NRXN3: variants seen among roughly 807,000 people sequenced by gnomAD.
The protein encoded by NRXN3 is neurexin 3, also known as neurexin III.
A neutral mutation model predicts 137.6 loss-of-function variants in NRXN3; 32 were observed. That is an observed-to-expected ratio of 0.23 (90% CI 0.18 to 0.31). NRXN3 has a LOEUF of 0.31. NRXN3 is among the 10% of genes least tolerant of loss of function. The probability of loss-of-function intolerance (pLI) is 1.00; values close to 1 mark genes in which losing one functional copy is unlikely to be tolerated. For missense variants in NRXN3, 1,574 were observed against 2,062.5 expected (o/e 0.76, Z 4.59); for synonymous variants, 798 against 784.5 (o/e 1.02, Z -0.29).
chr14:79,034,081 C>T (rs2099612090), intron 15 of NRXN3, among the ~76,000 whole-genome samples: 1 of 151,952 alleles, frequency 6.6e-6, no homozygotes. Context: ...CTTCAAAAAC[C>T]CCAGGGTCAC....
At chr14:79,358,256 A>G (rs1487965848) in intron 15 of NRXN3, among the ~76,000 whole-genome samples, 4 of 152,114 alleles carry the variant, frequency 2.6e-5, no homozygotes, top group Non-Finnish European at 5.9e-5. Context: ...ACACAGAGCC[A>G]AAGACTATCA....
At chr14:78,962,109 A>G (rs61995265) in intron 11 of NRXN3, among the ~76,000 whole-genome samples, 1 of 152,022 alleles carries the variant, frequency 6.6e-6, no homozygotes, top group Non-Finnish European at 1.5e-5. Flanking sequence ...AGGAATAAGT[A>G]AAACCTTTTT....
chr14:78,618,055 T>A (rs1245627911), intron 4 of NRXN3, among the ~76,000 whole-genome samples: 1 of 152,018 alleles, frequency 6.6e-6, no homozygotes, highest in Non-Finnish European at 1.5e-5. Context: ...CATACCCCCA[T>A]CTTCTCTGTC....
At chr14:79,489,223 G>A (rs1710367895) in intron 16 of NRXN3, among the ~76,000 whole-genome samples, 1 of 152,004 alleles carries the variant, frequency 6.6e-6, no homozygotes, top group Admixed American at 6.6e-5. Flanking sequence ...TTCTTTACAG[G>A]TGTCTACACC....
intron 15 of NRXN3, among the ~76,000 whole-genome samples, chr14:79,348,386 T>TTC (rs1384339956): frequency 6.6e-6 from 1 of 151,026 alleles, no homozygotes; most frequent in East Asian, 1.9e-4. Flanking sequence ...CTCTTTTTTT[T>TTC]TTTTTTTGAG....
chr14:78,231,753 G>A (rs1322715327), intron 1 of NRXN3: 3 of 152,338 alleles, frequency 2.0e-5, no homozygotes, highest in African/African-American at 7.2e-5. Flanking sequence ...TAGAGGTTTT[G>A]TAAGGATTAA....
intron 16 of NRXN3, among the ~76,000 whole-genome samples, chr14:79,482,159 T>C (rs918274875): frequency 3.9e-5 from 6 of 152,230 alleles, no homozygotes; most frequent in African/African-American, 1.4e-4. Flanking sequence ...TCATTAGTTT[T>C]ACAAAGCAGT....
intron 10 of NRXN3, among the ~76,000 whole-genome samples, chr14:78,827,271 G>GAAAAAAAAA (rs11462484): frequency 7.0e-6 from 1 of 142,178 alleles, no homozygotes; most frequent in Non-Finnish European, 1.5e-5. Context: ...TGAGAGGACC[G>GAAAAAAAAA]AAAAAAAAAA....
chr14:78,968,071 T>G, intron 13 of NRXN3, 102 bp from the exon 14 acceptor site: 9 of 88,026 alleles, frequency 1.0e-4, no homozygotes, highest in Non-Finnish European at 1.5e-4. Flanking sequence ...CCCCCAGCTA[T>G]CTTATTCCTT....
chr14:79,808,677 G>A (rs1490640196), intron 20 of NRXN3, among the ~76,000 whole-genome samples: 3 of 151,920 alleles, frequency 2.0e-5, no homozygotes, highest in African/African-American at 7.3e-5. Flanking sequence ...AACTTCTACA[G>A]GTTATTTCCT....
rs368957282 is a variant in NRXN3 at position 79,314,762 on chromosome 14, C to T, written c.3263-152459C>T. On this transcript the variant is annotated intron_variant, in intron 15 of 20. Transcript: ENST00000335750. ...CCTCAAGTGGGTCCCTGACCCCTGA[C>T]CCCCAAGCAGCCTAACTGGGAGGCA... 1.0e-4 allele frequency among the ~76,000 whole-genome samples: 15 copies of T among 147,386 alleles called. 1 individual carries two copies. In the South Asian group the frequency reaches 2.7e-3, roughly 27 times the overall value.
In NRXN3 at chr14:78,652,213, C is replaced by T. The variant is rs146751192; in HGVS notation, c.1221+887C>T. On this transcript the variant is annotated intron_variant, in intron 6 of 20. Coordinates refer to ENST00000335750, the MANE Select transcript of NRXN3 (RefSeq NM_001330195.2). ...ACGGAAGAAAATTCTTATAATGTGA[C>T]ATTAAGGCTCAGAAGACTGGTTTTT... Among the ~76,000 whole-genome samples the T allele has an allele frequency of 4.8e-3, 733 of 152,336 alleles. 2 individuals carry two copies. The highest frequency in any genetic ancestry group is 7.2e-3 in the Non-Finnish European group (492 of 68,030).
At chr14:79,842,685 C>G (rs950773100) in intron 20 of NRXN3, among the ~76,000 whole-genome samples, 3 of 152,138 alleles carry the variant, frequency 2.0e-5, no homozygotes, top group African/African-American at 7.2e-5. Flanking sequence ...GTAAAATAGT[C>G]ACCATAGAGA....
intron 17 of NRXN3, among the ~76,000 whole-genome samples, chr14:79,667,437 A>G (rs1314463577): frequency 6.6e-6 from 1 of 152,012 alleles, no homozygotes; most frequent in East Asian, 1.9e-4. Flanking sequence ...GTGCACCGGG[A>G]TGAATGGGTC....
chr14:79,409,490 G>C (rs2095374943), intron 15 of NRXN3, among the ~76,000 whole-genome samples: 1 of 149,638 alleles, frequency 6.7e-6, no homozygotes, highest in African/African-American at 2.5e-5. Flanking sequence ...TATATATGTA[G>C]TCTGCTACAC....
chr14:79,451,602 A>C (rs2096173950), intron 15 of NRXN3, among the ~76,000 whole-genome samples: 1 of 152,168 alleles, frequency 6.6e-6, no homozygotes, highest in South Asian at 2.1e-4. Context: ...CTGTGCCTGT[A>C]AGTTACCAGT....
At chr14:78,285,895 C>G (rs1361757164) in intron 3 of NRXN3, among the ~76,000 whole-genome samples, 3 of 152,116 alleles carry the variant, frequency 2.0e-5, no homozygotes, top group African/African-American at 7.2e-5. Context: ...TAACAGTGCT[C>G]AATTCCCAGC....
At chr14:79,016,193 A>T (rs1447877858) in intron 15 of NRXN3, among the ~76,000 whole-genome samples, 2 of 152,108 alleles carry the variant, frequency 1.3e-5, no homozygotes, top group Admixed American at 1.3e-4. Flanking sequence ...TTATGTTATT[A>T]TACACCTGGG....
chr14:78,457,443 G>T (rs1210825160), intron 4 of NRXN3, among the ~76,000 whole-genome samples: 2 of 152,168 alleles, frequency 1.3e-5, no homozygotes, highest in East Asian at 3.9e-4. Context: ...AGAGGAGAGG[G>T]TGACAGTGAG....
Sources: allele counts gnomAD v4.1 joint callset (sites outside exome capture counted in the v4.1 genomes callset), GRCh38; gene constraint gnomAD v4.1.1; transcripts MANE v1.5; gene names NCBI Gene and HGNC (gene_info 2026-07-23, HGNC 2026-07-21).